SYNE1: variants seen among roughly 807,000 people sequenced by gnomAD.
SYNE1 encodes nesprin-1.
Under a neutral mutation model 1,111.0 loss-of-function variants are expected in SYNE1, and 616 were observed. That is an observed-to-expected ratio of 0.55 (90% CI 0.52 to 0.59). SYNE1 has a LOEUF of 0.59. SYNE1 is among the 20% of genes least tolerant of loss of function. SYNE1 has a pLI of 0.00. For synonymous variants in SYNE1, 3,855 were observed against 3,825.8 expected, an observed-to-expected ratio of 1.01 and a Z score of -0.28; for missense variants, 10,006 against 10,417.0, an observed-to-expected ratio of 0.96 and a Z score of 1.72.
chr6:152,465,326 C>A lies in SYNE1; in HGVS notation c.1864G>T (p.Val622Leu). The A allele has an allele frequency of 6.2e-7, 1 of 1,613,850 alleles. No individual in the cohort carries two copies. The highest frequency in any genetic ancestry group is 8.5e-7 in the Non-Finnish European group (1 of 1,179,824). ...TCTAGCCAGGCTTGCAGACTAGCCA[C>A]TGTATTGCCATAGCGATCCCAGTTA... The part of the protein sequence containing the change: ...ISNWDRYGNT[V>L]ASLQAWLEDA... The change falls in exon 18 of 146, where the codon GTG becomes TTG. Residue 622 changes from valine (V) to leucine (L), a missense_variant. Coordinates refer to ENST00000367255, the MANE Select transcript of SYNE1 (RefSeq NM_182961.4).
At chr6:152,277,036 G>A (rs962727753) in intron 98 of SYNE1, among the ~76,000 whole-genome samples, 15 of 151,426 alleles carry the variant, frequency 9.9e-5, no homozygotes, top group South Asian at 2.1e-4. Flanking sequence ...GACTACAGGC[G>A]CCCACCACTA....
At chr6:152,346,373 G>T (rs932223793) in intron 73 of SYNE1, among the ~76,000 whole-genome samples, 6 of 151,920 alleles carry the variant, frequency 3.9e-5, no homozygotes, top group Non-Finnish European at 7.4e-5. Flanking sequence ...CACCATGTTG[G>T]CCAGGCTGGT....
Position 152,256,748 on chromosome 6 carries a change from A to G in SYNE1, c.18990T>C (p.Asn6330=). Residue 6330 remains asparagine (N), a synonymous_variant, in exon 102 of 146, where the codon AAT becomes AAC. Transcript: ENST00000367255. Reference sequence around the variant, plus strand: ...ACAGTGGCACACCAGACAAGAGTCGATTTGGCCTGCTATAAAGCTGTAGGC... The same window carrying G: ...ACAGTGGCACACCAGACAAGAGTCGGTTTGGCCTGCTATAAAGCTGTAGGC... ...EQEQVLYSRP[N]RLLSGVPLYK... is the part of the protein sequence containing the mutation. 1 of 1,613,874 alleles carries G rather than the reference A, an allele frequency of 6.2e-7. No individual in the cohort carries two copies. Among genetic ancestry groups the G allele is most frequent in the Non-Finnish European group, 8.5e-7 (1 of 1,179,844 alleles).
Position 152,330,613 on chromosome 6 carries a change from T to C in SYNE1, c.14072A>G (p.Glu4691Gly). 6.2e-7 allele frequency: 1 copy of C among 1,613,554 alleles called. No individual in the cohort carries two copies. The highest frequency in any genetic ancestry group is 1.3e-5 in the African/African-American group (1 of 75,050). ...TTTGCTCATCCTCAAGAATTGGGCT[T>C]CAAGTTCACTCAGAGACTGGGTTGT... ...ELTTQSLSELEAQFLRMSKVP... is the reference protein window; with the variant it reads ...ELTTQSLSELGAQFLRMSKVP... Residue 4691 changes from glutamate to glycine, a missense_variant, in exon 78 of 146, where the codon GAA becomes GGA. Physicochemically the swap from Glu to Gly is moderately conservative, Grantham distance 98. Transcript: ENST00000367255.
intron 63 of SYNE1, among the ~76,000 whole-genome samples, chr6:152,363,285 G>A (rs541988819): frequency 3.4e-5 from 5 of 147,550 alleles, no homozygotes; most frequent in Non-Finnish European, 7.5e-5. Flanking sequence ...ACGAGGTCAG[G>A]AGATCAAGGC....
chr6:152,360,164 A>C (rs1039241528), intron 64 of SYNE1, among the ~76,000 whole-genome samples: 2 of 152,204 alleles, frequency 1.3e-5, no homozygotes, highest in African/African-American at 4.8e-5. Context: ...AACCTGGATT[A>C]TCGTCCCAAT....
chr6:152,130,097 T>C (rs565275736), intron 145 of SYNE1, among the ~76,000 whole-genome samples: 1 of 152,220 alleles, frequency 6.6e-6, no homozygotes, highest in South Asian at 2.1e-4. Context: ...GGGCACTGGC[T>C]GCTGCGGGTT....
rs141049001 is a variant in SYNE1, at chr6:152,401,247, G to A, written c.6920C>T (p.Thr2307Ile). ...GTLKDFTAQSTQVEKFINDIT... is the reference protein window; with the variant it reads ...GTLKDFTAQSIQVEKFINDIT... ...GTCATTAATAAACTTCTCCACTTGTGTACTTTGAGCCGTGAAATCCTTCAG... is the reference window on the plus strand; with the variant it reads ...GTCATTAATAAACTTCTCCACTTGTATACTTTGAGCCGTGAAATCCTTCAG... Residue 2307 changes from threonine (T) to isoleucine (I), a missense_variant, in exon 47 of 146, where the codon ACA becomes ATA. By Grantham distance (89) the Thr-to-Ile change is moderately conservative (BLOSUM62 -1). Transcript: ENST00000367255. 4.8e-5 allele frequency: 78 copies of A among 1,613,944 alleles called. No individual in the cohort carries two copies. The African/African-American group carries it at 9.6e-4, about 20-fold the overall frequency.
intron 20 of SYNE1, among the ~76,000 whole-genome samples, chr6:152,462,104 A>G (rs1043099619): frequency 6.6e-6 from 1 of 152,104 alleles, no homozygotes; most frequent in Non-Finnish European, 1.5e-5. Flanking sequence ...TTAAAAAAAA[A>G]AAAAGTAACT....
At chr6:152,383,845 C>G (rs2097473413) in intron 55 of SYNE1, among the ~76,000 whole-genome samples, 1 of 152,200 alleles carries the variant, frequency 6.6e-6, no homozygotes, top group Non-Finnish European at 1.5e-5. Context: ...GCAGTTCAAA[C>G]TGGATCTGAT....
intron 77 of SYNE1, among the ~76,000 whole-genome samples, chr6:152,332,392 A>G (rs949691277): frequency 3.3e-5 from 5 of 152,256 alleles, no homozygotes; most frequent in Non-Finnish European, 7.3e-5. Context: ...TCAGAAGTCA[A>G]TACTAGAAGT....
At chr6:152,538,343 T>A (rs933567163) in intron 4 of SYNE1, among the ~76,000 whole-genome samples, 1 of 152,146 alleles carries the variant, frequency 6.6e-6, no homozygotes, top group South Asian at 2.1e-4. Flanking sequence ...CAGATAAACA[T>A]GACAAAGTTT....
chr6:152,199,071 C>T (rs2074840805), intron 127 of SYNE1, among the ~76,000 whole-genome samples: 1 of 151,808 alleles, frequency 6.6e-6, no homozygotes, highest in Admixed American at 6.6e-5. Flanking sequence ...ATGAGGTTTG[C>T]CCATATTTCA....
At chr6:152,502,466 A>T (rs1182128737) in intron 10 of SYNE1, among the ~76,000 whole-genome samples, 167 bp downstream of exon 10, 1 of 152,218 alleles carries the variant, frequency 6.6e-6, no homozygotes, top group Non-Finnish European at 1.5e-5. Context: ...TACAAACCAG[A>T]AAAACCCTTT....
rs528939647 is a variant in SYNE1 at position 152,171,120 on chromosome 6, G to A, written c.23627+5274C>T. On this transcript the variant is annotated intron_variant, in intron 130 of 145. Coordinates refer to ENST00000367255, the MANE Select transcript of SYNE1 (RefSeq NM_182961.4). ...TTTTCTTTATAAATCACCCAGTCTC[G>A]AGTTGTCTTTATCAGCAGCATGAAA... Among the ~76,000 whole-genome samples the A allele has an allele frequency of 3.9e-5, 6 of 152,310 alleles. No individual in the cohort carries two copies. The South Asian group carries it at 6.2e-4, about 16-fold the overall frequency.
intron 105 of SYNE1, among the ~76,000 whole-genome samples, chr6:152,245,636 G>T (rs2086913873): frequency 6.6e-6 from 1 of 152,204 alleles, no homozygotes; most frequent in Non-Finnish European, 1.5e-5. Flanking sequence ...GAAGTCAAAA[G>T]AATACATGAT....
At chr6:152,218,451 T>A (rs746492206) in intron 120 of SYNE1, 48 bp from the exon 121 acceptor site, 279 of 1,381,346 alleles carry the variant, frequency 2.0e-4, no homozygotes, top group Non-Finnish European at 2.6e-4. Context: ...AAAAAAAAAA[T>A]TGGTATTTTA....
chr6:152,407,168 T>A lies in SYNE1; in HGVS notation c.6569A>T (p.Asp2190Val). Residue 2190 changes from aspartate to valine, a missense_variant, in exon 45 of 146, where the codon GAT becomes GTT. By Grantham distance (152) the Asp-to-Val change is radical (BLOSUM62 -3). This residue lies in a region of SYNE1 where 4,955 missense variants were observed against 5,017.2 expected (regional missense o/e 0.99). Transcript: ENST00000367255. ...DVSEKLEENM[D>V]RLRVSLSIWD... The stretch of plus-strand genomic sequence containing the variant: ...AATGGACAGGCTTACTCTCAGCCTA[T>A]CCATGTTTTCTTCAAGTTTCTCTGA... 6.2e-7 allele frequency: 1 copy of A among 1,614,062 alleles called. No homozygotes were observed.
chr6:152,532,039 T>C (rs1208431184), intron 4 of SYNE1, among the ~76,000 whole-genome samples: 3 of 152,222 alleles, frequency 2.0e-5, no homozygotes, highest in Admixed American at 2.0e-4. Flanking sequence ...CTGAACTACA[T>C]GTTAATTCTA....
Sources: allele counts gnomAD v4.1 joint callset (sites outside exome capture counted in the v4.1 genomes callset), GRCh38; gene constraint gnomAD v4.1.1; regional missense constraint gnomAD v4.1.1; transcripts MANE v1.5; gene names NCBI Gene and HGNC (gene_info 2026-07-23, HGNC 2026-07-21).